CYP24A1: variants seen among roughly 807,000 people sequenced by gnomAD.
CYP24A1 encodes 1,25-dihydroxyvitamin D(3) 24-hydroxylase, mitochondrial.
CYP24A1 carries 68 observed loss-of-function variants against 62.4 expected under a neutral mutation model. That is an observed-to-expected ratio of 1.09 (90% confidence interval 0.90 to 1.33). CYP24A1 has a LOEUF of 1.33. Among genes scored for constraint, CYP24A1 ranks in the 40% most tolerant of loss-of-function variants. CYP24A1 has a pLI of 0.00. For missense variants in CYP24A1, 787 were observed against 653.0 expected (o/e 1.21, Z -2.24); for synonymous variants, 267 against 253.0 (o/e 1.06, Z -0.52).
intron 6 of CYP24A1, 83 bp downstream of exon 6, chr20:54,164,369 G>A (rs2092663185): frequency 6.2e-7 from 1 of 1,611,634 alleles, no homozygotes; most frequent in East Asian, 2.2e-5. Context: ...AGGCTCAGGA[G>A]ATCACTCCAG....
chr20:54,169,393 C>A (rs2092685900), intron 4 of CYP24A1, among the ~76,000 whole-genome samples, 199 bp downstream of exon 4: 1 of 152,184 alleles, frequency 6.6e-6, no homozygotes, highest in Non-Finnish European at 1.5e-5. Flanking sequence ...AAGTATTCAA[C>A]AAATGTTTGT....
At chr20:54,170,463 C>T (rs1208905053) in intron 3 of CYP24A1, among the ~76,000 whole-genome samples, 1 of 152,112 alleles carries the variant, frequency 6.6e-6, no homozygotes, top group Non-Finnish European at 1.5e-5. Flanking sequence ...CTGGACCCTG[C>T]CGTGAGCTGG....
intron 6 of CYP24A1, among the ~76,000 whole-genome samples, chr20:54,163,577 T>C (rs369634867): frequency 6.6e-6 from 1 of 152,294 alleles, no homozygotes; most frequent in East Asian, 1.9e-4. Flanking sequence ...GGCTAACTTC[T>C]ATGTGTCTCA....
At position 54,172,832 on chromosome 20, in the gene CYP24A1, C is replaced by T. The variant is rs370816738; in HGVS notation, c.449+77G>A. On this transcript the variant is annotated intron_variant, in intron 2 of 11. Transcript: ENST00000216862. ...TTCCAACCCCAGGGAACTCTAACTCCGCCTCTTCACAATTTCCAGGCGCCG... is the reference window on the plus strand; with the variant it reads ...TTCCAACCCCAGGGAACTCTAACTCTGCCTCTTCACAATTTCCAGGCGCCG... The T allele has an allele frequency of 1.2e-5, 20 of 1,606,260 alleles. No individual in the cohort carries two copies. In the African/African-American group the frequency reaches 2.3e-4, roughly 18 times the overall value.
chr20:54,164,304 T>G, intron 6 of CYP24A1, 148 bp downstream of exon 6: 1 of 1,457,582 alleles, frequency 6.9e-7, no homozygotes, highest in South Asian at 1.2e-5. Context: ...AGAATTTGTG[T>G]ATGCTGGGGC....
chr20:54,167,730 G>A (rs1304231919), intron 4 of CYP24A1, among the ~76,000 whole-genome samples: 1 of 152,084 alleles, frequency 6.6e-6, no homozygotes, highest in Admixed American at 6.5e-5. Flanking sequence ...CCGAGATCAC[G>A]CCGCTGCACT....
chr20:54,165,643 T>C, intron 5 of CYP24A1, 99 bp downstream of exon 5: 1 of 791,980 alleles, frequency 1.3e-6, no homozygotes, highest in Non-Finnish European at 2.3e-6. Flanking sequence ...AAATAAAATA[T>C]GTGTGTATGC....
chr20:54,172,683 C>A, intron 2 of CYP24A1: 15 of 1,028,866 alleles, frequency 1.5e-5, no homozygotes, highest in Non-Finnish European at 1.9e-5. Context: ...GCCCTGTTGC[C>A]AGAGAGAACG....
In CYP24A1 at chr20:54,173,566, A is replaced by G; in HGVS notation, c.14T>C (p.Ile5Thr). Residue 5 changes from isoleucine to threonine, a missense_variant, in exon 1 of 12, where the codon ATC (isoleucine) becomes ACC (threonine). Coordinates refer to ENST00000216862, the MANE Select transcript of CYP24A1 (RefSeq NM_000782.5). The surrounding 1 kb of genome is among the most constrained non-coding windows in gnomAD (Gnocchi z 7.2). ...GGCGGCAAGCGAGCGGCTCTTGCTG[A>G]TGGGGGAGCTCATGGCAGCGGGGGA... is the stretch of plus-strand genomic sequence containing the variant. MSSP[I>T]SKSRSLAAFL... 1 of 1,579,542 alleles carries G rather than the reference A, an allele frequency of 6.3e-7. No individual in the cohort carries two copies. The highest frequency in any genetic ancestry group is 1.1e-5 in the South Asian group (1 of 87,734).
At chr20:54,147,774 C>T in the CYP24A1 span, among the ~76,000 whole-genome samples, 6 of 152,166 alleles carry the variant, frequency 3.9e-5, no homozygotes, top group East Asian at 9.6e-4. Context: ...GAATCACTTC[C>T]CCAATGCCAC....
At position 54,159,060 on chromosome 20, in the gene CYP24A1, GC is replaced by G; in HGVS notation, c.1053del (p.Lys351AsnfsTer21). On this transcript the variant is annotated frameshift_variant, in exon 8 of 12. Transcript: ENST00000216862. LOFTEE classifies it high-confidence loss of function. ...NLSRNPQVQQ[K>X]LLKEIQSVLP... ...AATACACTTTGAATTTCCTTAAGAA[GC>G]TTTTGTTGCACTTGGGGATTACGGG... 2 of 1,614,086 alleles carry G rather than the reference GC, an allele frequency of 1.2e-6. No homozygotes were observed. The highest frequency in any genetic ancestry group is 1.1e-5 in the South Asian group (1 of 91,078).
At chr20:54,162,394 C>G (rs2146479335) in intron 7 of CYP24A1, among the ~76,000 whole-genome samples, 1 of 145,198 alleles carries the variant, frequency 6.9e-6, no homozygotes, top group East Asian at 2.1e-4. Context: ...TAGCAGTTTG[C>G]ATGGACATCA....
chr20:54,172,789 C>A (rs1361757339), intron 2 of CYP24A1, 120 bp downstream of exon 2: 1 of 1,561,814 alleles, frequency 6.4e-7, no homozygotes, highest in East Asian at 2.4e-5. Context: ...GCTTTGGTAT[C>A]CGCCCTACGT....
chr20:54,160,701 G>A (rs2146474031), intron 7 of CYP24A1, among the ~76,000 whole-genome samples: 1 of 152,310 alleles, frequency 6.6e-6, no homozygotes, highest in South Asian at 2.1e-4. Flanking sequence ...GTGACTTTCA[G>A]AATAGCCAGG....
In CYP24A1 at chr20:54,173,827, A is replaced by T. The variant is rs2092704183; in HGVS notation, c.-248T>A. On this transcript the variant is annotated 5_prime_UTR_variant, in exon 1 of 12. Transcript: ENST00000216862. The surrounding 1 kb of genome is among the most constrained non-coding windows in gnomAD (Gnocchi z 7.2). ...TTGCACTGGCCGCAGGGGCTGGAAG[A>T]GGGTGGCCGGTGTCTGGGGACCTCT... is the stretch of plus-strand genomic sequence containing the variant. 1.8e-6 allele frequency: 1 copy of T among 568,150 alleles called. No individual in the cohort carries two copies. Among genetic ancestry groups the T allele is most frequent in the African/African-American group, 1.9e-5 (1 of 53,312 alleles). The allele number at this position is 568,150 out of a possible 1,614,324, so 35.2% of individuals were successfully genotyped here.
rs760041770 is a variant in CYP24A1 at position 54,173,149 on chromosome 20, C to T, written c.259-50G>A. ...GTGTCAGCGCGCATCCTCCGCCGTG[C>T]CCGAAGCGCTTTCCCTCCTCCCGCC... On this transcript the variant is annotated intron_variant, in intron 1 of 11. Coordinates refer to ENST00000216862, the MANE Select transcript of CYP24A1 (RefSeq NM_000782.5). The surrounding 1 kb of genome is among the most constrained non-coding windows in gnomAD (Gnocchi z 7.2). 1 of 1,590,902 alleles carries T rather than the reference C, an allele frequency of 6.3e-7. No homozygotes were observed. Among genetic ancestry groups the T allele is most frequent in the Non-Finnish European group, 8.5e-7 (1 of 1,170,600 alleles).
chr20:54,171,837 G>C, intron 2 of CYP24A1, 167 bp from the exon 3 acceptor site: 1 of 1,461,410 alleles, frequency 6.8e-7, no homozygotes, highest in African/African-American at 1.4e-5. Flanking sequence ...ATAAAATAGT[G>C]ATCATCTTTT....
chr20:54,161,082 C>G (rs1358792758), intron 7 of CYP24A1, among the ~76,000 whole-genome samples: 1 of 152,242 alleles, frequency 6.6e-6, no homozygotes, highest in African/African-American at 2.4e-5. Context: ...CAGGTGCAAT[C>G]AAATCTAATG....
At chr20:54,145,972 T>C in the CYP24A1 span, among the ~76,000 whole-genome samples, 18,495 of 152,238 alleles carry the variant, frequency 0.12, 1,847 homozygotes, top group East Asian at 0.28. Flanking sequence ...AAATAACTGG[T>C]ATTAGCAGAA....
Sources: gnomAD v4.1 joint callset for allele counts (sites outside exome capture counted in the v4.1 genomes callset) on GRCh38, gnomAD v4.1.1 for gene constraint, Gnocchi (gnomAD v3.1) non-coding constraint, MANE v1.5 for transcripts, NCBI Gene and HGNC (gene_info 2026-07-23, HGNC 2026-07-21) for gene names.